The following RBM20 variants were observed in gnomAD, a reference collection of about 807,000 sequenced individuals.
RBM20 encodes the protein RNA-binding protein 20.
In RBM20, 51 loss-of-function variants were observed where a neutral mutation model predicts 110.1. That is an observed-to-expected ratio of 0.46 (90% confidence interval 0.37 to 0.59). RBM20 has a LOEUF of 0.59. RBM20 is among the 20% of genes least tolerant of loss of function. The pLI is 0.00. For synonymous variants in RBM20, 589 were observed against 618.2 expected, an observed-to-expected ratio of 0.95 and a Z score of 0.70; for missense variants, 1,512 against 1,574.9, an observed-to-expected ratio of 0.96 and a Z score of 0.68.
intron 1 of RBM20, among the ~76,000 whole-genome samples, chr10:110,769,570 T>C (rs1844157405): frequency 6.6e-6 from 1 of 152,158 alleles, no homozygotes. Context: ...TAAGGGAAGG[T>C]AGTTTTATAA....
chr10:110,784,730 T>G, intron 4 of RBM20, 62 bp from the exon 5 acceptor site: 1 of 1,078,742 alleles, frequency 9.3e-7, no homozygotes, highest in Non-Finnish European at 1.4e-6. Context: ...GCTTATGTCC[T>G]AATAATGACT....
rs76371386 is a variant in RBM20, at chr10:110,769,173, G to T, written c.192-11628G>T. Among the ~76,000 whole-genome samples the T allele has an allele frequency of 3.5e-3, 539 of 152,322 alleles. 6 individuals carry two copies. The highest frequency in any genetic ancestry group is 0.013 in the African/African-American group (523 of 41,564). On this transcript the variant is annotated intron_variant, in intron 1 of 13. Coordinates refer to ENST00000369519, the MANE Select transcript of RBM20 (RefSeq NM_001134363.3). ...CTCTGGAGGTGGGACTCAAGCCCCAGTTCTTTTTAAAACTTCCCAAGTAAT... is the reference window on the plus strand; with the variant it reads ...CTCTGGAGGTGGGACTCAAGCCCCATTTCTTTTTAAAACTTCCCAAGTAAT...
At chr10:110,815,171 C>T (rs1023769828) in intron 9 of RBM20, among the ~76,000 whole-genome samples, 2 of 152,194 alleles carry the variant, frequency 1.3e-5, no homozygotes, top group Admixed American at 1.3e-4. Context: ...GAACAAGAAT[C>T]ATTTGTATTA....
chr10:110,690,770 G>A (rs1047816503), intron 1 of RBM20, among the ~76,000 whole-genome samples: 4 of 152,110 alleles, frequency 2.6e-5, no homozygotes, highest in East Asian at 1.9e-4. Context: ...TACAATATAC[G>A]TATATATCAC....
rs549826062 is a variant in RBM20 at position 110,649,099 on chromosome 10, T to C, written c.191+4454T>C. On this transcript the variant is annotated intron_variant, in intron 1 of 13. Coordinates refer to ENST00000369519, the MANE Select transcript of RBM20 (RefSeq NM_001134363.3). Reference sequence around the variant, plus strand: ...AATTTAAAAAGCCCAAATCTGTCCATTGGAATGTGAACTCTGATCTGTTAA... The same window carrying C: ...AATTTAAAAAGCCCAAATCTGTCCACTGGAATGTGAACTCTGATCTGTTAA... Among the ~76,000 whole-genome samples the C allele has an allele frequency of 2.0e-5, 3 of 152,290 alleles. No homozygotes were observed. In the South Asian group the frequency reaches 6.2e-4, roughly 32 times the overall value.
intron 1 of RBM20, among the ~76,000 whole-genome samples, chr10:110,734,412 G>A (rs1176265031): frequency 6.6e-6 from 1 of 152,174 alleles, no homozygotes; most frequent in Non-Finnish European, 1.5e-5. Flanking sequence ...TAACTTTTAA[G>A]TCATTTACTT....
chr10:110,780,873 T>C lies in RBM20; in HGVS notation c.264T>C (p.Ser88=). The change falls in exon 2 of 14, where the codon AGT becomes AGC. Residue 88 remains serine (S), a synonymous_variant. Transcript: ENST00000369519. ...ACCCTCTGCTTCCTTCACCTGCCAG[T>C]CTCCAGCTGGCTCAACTGCAGGCCC... is the stretch of plus-strand genomic sequence containing the variant. The part of the protein sequence containing the change: ...NPNPLLPSPA[S]LQLAQLQAQL... The C allele has an allele frequency of 6.5e-7, 1 of 1,550,296 alleles. No homozygotes were observed. Among genetic ancestry groups the C allele is most frequent in the African/African-American group, 1.4e-5 (1 of 73,056 alleles).
Position 110,821,933 on chromosome 10 carries a change from C to A in RBM20, c.3314C>A (p.Pro1105Gln). The A allele has an allele frequency of 6.4e-7, 1 of 1,551,658 alleles. No individual in the cohort carries two copies. Among genetic ancestry groups the A allele is most frequent in the Non-Finnish European group, 8.7e-7 (1 of 1,146,974 alleles). The stretch of plus-strand genomic sequence containing the variant: ...CAAGCTTGCCAAGAAGTGTTGACCC[C>A]GGGTAACTATCTCCCCTTTCCTCAC... The part of the protein sequence containing the change: ...QNQACQEVLT[P>Q]ENSRYVEMKS... Residue 1105 changes from proline to glutamine, a missense_variant and splice_region_variant, in exon 11 of 14, where the codon CCG becomes CAG. Transcript: ENST00000369519.
At chr10:110,649,885 AT>A (rs1486587816) in intron 1 of RBM20, among the ~76,000 whole-genome samples, 2 of 152,186 alleles carry the variant, frequency 1.3e-5, no homozygotes, top group Admixed American at 1.3e-4. Flanking sequence ...TGGATGCCTA[AT>A]ACTGCATGTT....
At chr10:110,760,232 G>A (rs182517844) in intron 1 of RBM20, among the ~76,000 whole-genome samples, 442 of 152,216 alleles carry the variant, frequency 2.9e-3, no homozygotes, top group Non-Finnish European at 4.8e-3. Context: ...ATGTGTAAAC[G>A]TGGCAGTGCT....
rs771764951 is a variant in RBM20, at chr10:110,781,783, C to G, written c.1174C>G (p.Arg392Gly). The G allele has an allele frequency of 4.5e-6, 7 of 1,551,676 alleles. No individual in the cohort carries two copies. The highest frequency in any genetic ancestry group is 6.1e-6 in the Non-Finnish European group (7 of 1,147,026). The change falls in exon 2 of 14, where the codon CGG (arginine) becomes GGG (glycine). Residue 392 changes from arginine to glycine, a missense_variant. By Grantham distance (125) the Arg-to-Gly change is moderately radical (BLOSUM62 -2). Transcript: ENST00000369519. ...GGAGGACCAGGCGTTGCTATCTGTG[C>G]GGCCCCTGCAGGCTCATGAGCTGAA... ...AKEDQALLSV[R>G]PLQAHELNDF...
chr10:110,762,829 T>C (rs950418081), intron 1 of RBM20, among the ~76,000 whole-genome samples: 1 of 152,196 alleles, frequency 6.6e-6, no homozygotes, highest in Non-Finnish European at 1.5e-5. Context: ...TTCAATAAAC[T>C]CTTAGTCTAA....
intron 1 of RBM20, among the ~76,000 whole-genome samples, chr10:110,701,676 G>T (rs1862759370): frequency 6.6e-6 from 1 of 152,232 alleles, no homozygotes; most frequent in Admixed American, 6.5e-5. Flanking sequence ...GGGATTTCAT[G>T]GTAGCTGTCA....
At chr10:110,725,760 G>C (rs528368545) in intron 1 of RBM20, among the ~76,000 whole-genome samples, 3 of 152,348 alleles carry the variant, frequency 2.0e-5, no homozygotes, top group Admixed American at 1.3e-4. Flanking sequence ...GGGAGGCAGC[G>C]TTAAATCTGT....
intron 1 of RBM20, among the ~76,000 whole-genome samples, chr10:110,716,199 G>A (rs756895028): frequency 5.5e-4 from 84 of 152,226 alleles, no homozygotes; most frequent in Admixed American, 9.8e-4. Flanking sequence ...TGAGGAGGTA[G>A]AATGGTAGGT....
rs890306488 is a variant in RBM20, at chr10:110,821,539, G to A, written c.2920G>A (p.Ala974Thr). 2.6e-6 allele frequency: 4 copies of A among 1,551,558 alleles called. No homozygotes were observed. The African/African-American group carries it at 4.1e-5, about 16-fold the overall frequency. The change falls in exon 11 of 14, where the codon GCA becomes ACA. Residue 974 changes from alanine to threonine, a missense_variant. Ala to Thr is a moderately conservative substitution (Grantham distance 58, BLOSUM62 0). Coordinates refer to ENST00000369519, the MANE Select transcript of RBM20 (RefSeq NM_001134363.3). ...AGTCAAGGCCGTAGGGAATGGGGCTGCAGAAATCAGCCTCAAGTCACCCAG... is the reference window on the plus strand; with the variant it reads ...AGTCAAGGCCGTAGGGAATGGGGCTACAGAAATCAGCCTCAAGTCACCCAG... Reference protein sequence around the residue: ...EGVKAVGNGAAEISLKSPREL... With the variant: ...EGVKAVGNGATEISLKSPREL...
intron 1 of RBM20, among the ~76,000 whole-genome samples, chr10:110,768,216 CGT>C (rs1037774684): frequency 4.0e-5 from 6 of 150,932 alleles, no homozygotes; most frequent in Non-Finnish European, 7.4e-5. Flanking sequence ...AGAGGTAGAC[CGT>C]GGAAAGAGGG....
At chr10:110,767,618 G>C (rs1193908463) in intron 1 of RBM20, among the ~76,000 whole-genome samples, 1 of 151,718 alleles carries the variant, frequency 6.6e-6, no homozygotes, top group Admixed American at 6.6e-5. Context: ...CAGACGGGGC[G>C]GACGGGCAGA....
intron 10 of RBM20, among the ~76,000 whole-genome samples, chr10:110,820,383 C>T (rs898279210): frequency 3.3e-5 from 5 of 152,224 alleles, no homozygotes; most frequent in African/African-American, 1.2e-4. Context: ...TCTTTACCCA[C>T]ATGTCTGGGC....
Sources: allele counts gnomAD v4.1 joint callset (sites outside exome capture counted in the v4.1 genomes callset), GRCh38; gene constraint gnomAD v4.1.1; transcripts MANE v1.5; gene names NCBI Gene and HGNC (gene_info 2026-07-23, HGNC 2026-07-21).